TBC1D22B: variants seen among roughly 807,000 people sequenced by gnomAD.
The protein encoded by TBC1D22B is TBC1 domain family member 22B, also known as chromosome 6 open reading frame 197.
TBC1D22B carries 32 observed loss-of-function variants against 69.1 expected under a neutral mutation model. The ratio of observed to expected loss-of-function variants is 0.46; its 90% CI spans 0.35 to 0.62. The LOEUF (loss-of-function observed/expected upper bound fraction) is 0.62, where lower values mean the gene tolerates loss of function less well. Ranked by LOEUF, TBC1D22B falls within the 20% of genes least tolerant of loss-of-function variation. The pLI, the probability that TBC1D22B is intolerant of heterozygous loss-of-function variation, is 0.00. For synonymous variants in TBC1D22B, 206 were observed against 229.8 expected (o/e 0.90, Z 0.94); for missense variants, 462 against 630.9 (o/e 0.73, Z 2.87).
intron 12 of TBC1D22B, among the ~76,000 whole-genome samples, chr6:37,320,127 A>C (rs202057880): frequency 9.5e-4 from 145 of 152,346 alleles, no homozygotes; most frequent in Admixed American, 2.9e-3. Flanking sequence ...AACTGGTTAC[A>C]CTTGAAGAAC....
At position 37,267,423 on chromosome 6, in the gene TBC1D22B, TATA is replaced by T. The variant is rs1374290159; in HGVS notation, c.57-2167_57-2165del. ...CACATATATAATATATATATACACA[TATA>T]ATATATATACACACATATATAATAT... On this transcript the variant is annotated intron_variant, in intron 1 of 12. Coordinates refer to ENST00000373491, the MANE Select transcript of TBC1D22B (RefSeq NM_017772.4). Among the ~76,000 whole-genome samples, 629 of 136,450 alleles carry T rather than the reference TATA, an allele frequency of 4.6e-3. 10 individuals are homozygous for T. The highest frequency in any genetic ancestry group is 0.018 in the African/African-American group (570 of 32,318). 89.5% of individuals were successfully genotyped at this position (136,450 alleles called of 152,430 possible).
At chr6:37,314,629 G>A (rs1768023478) in intron 10 of TBC1D22B, among the ~76,000 whole-genome samples, 1 of 152,154 alleles carries the variant, frequency 6.6e-6, no homozygotes, top group African/African-American at 2.4e-5. Context: ...AGAGAAGTCG[G>A]TGGGATCTCT....
intron 6 of TBC1D22B, 98 bp downstream of exon 6, chr6:37,284,562 G>A: frequency 7.5e-6 from 10 of 1,338,980 alleles, no homozygotes; most frequent in Non-Finnish European, 9.9e-6. Flanking sequence ...AAGTCTTCAG[G>A]CTGTGGTATA....
intron 2 of TBC1D22B, 90 bp downstream of exon 2, chr6:37,269,740 A>G (rs1262610405): frequency 1.6e-6 from 2 of 1,262,502 alleles, no homozygotes; most frequent in African/African-American, 1.5e-5. Context: ...CCACCTTGAC[A>G]TTTTTTAGCG....
chr6:37,295,610 C>A (rs1441355359), intron 8 of TBC1D22B: 1 of 437,414 alleles, frequency 2.3e-6, no homozygotes, highest in Admixed American at 2.5e-5. Context: ...AACACAATTG[C>A]AGTTGAGTTT....
chr6:37,261,068 T>C (rs186204771), intron 1 of TBC1D22B, among the ~76,000 whole-genome samples: 290 of 152,306 alleles, frequency 1.9e-3, no homozygotes, highest in Middle Eastern at 3.4e-3. Context: ...CTCTCAGTTA[T>C]TCACATGAGC....
chr6:37,330,324 C>T (rs1297990840), intron 12 of TBC1D22B, among the ~76,000 whole-genome samples: 2 of 143,144 alleles, frequency 1.4e-5, no homozygotes, highest in African/African-American at 2.6e-5. Context: ...CTGCAACCTC[C>T]GCCTCCCAGG....
intron 12 of TBC1D22B, among the ~76,000 whole-genome samples, chr6:37,320,136 A>G (rs1291279966): frequency 6.6e-6 from 1 of 152,240 alleles, no homozygotes; most frequent in Non-Finnish European, 1.5e-5. Flanking sequence ...CACTTGAAGA[A>G]CAGGGAAAAA....
At chr6:37,302,439 A>G (rs371426265) in intron 8 of TBC1D22B, among the ~76,000 whole-genome samples, 10 of 152,330 alleles carry the variant, frequency 6.6e-5, no homozygotes, top group African/African-American at 2.2e-4. Flanking sequence ...CTGAGGTCCA[A>G]TATAATTGAC....
At chr6:37,319,822 A>C (rs771232395) in intron 12 of TBC1D22B, among the ~76,000 whole-genome samples, 1 of 152,228 alleles carries the variant, frequency 6.6e-6, no homozygotes, top group Admixed American at 6.5e-5. Flanking sequence ...AGACAGAATC[A>C]TGGCAGAGGT....
chr6:37,327,222 T>C lies in TBC1D22B; in HGVS notation c.1390-3822T>C, dbSNP rs558973318. 2.1e-4 allele frequency among the ~76,000 whole-genome samples: 20 copies of C among 95,018 alleles called. 5 individuals are homozygous for C. Among genetic ancestry groups the C allele is most frequent in the African/African-American group, 9.8e-4 (17 of 17,390 alleles). The allele number at this position is 95,018 out of a possible 152,430, so 62.3% of individuals were successfully genotyped here. A position where few individuals can be genotyped will look rare whatever the true frequency, so the allele number is the denominator to read the frequency against. On this transcript the variant is annotated intron_variant, in intron 12 of 12. Transcript: ENST00000373491. ...GGCCGGGCGCGGTGGCTCGCGCCTG[T>C]AATCCCAGCACTTTGGGAGGCCGAG...
chr6:37,312,059 A>C (rs1032967909), intron 8 of TBC1D22B, among the ~76,000 whole-genome samples: 4 of 152,240 alleles, frequency 2.6e-5, no homozygotes, highest in African/African-American at 9.6e-5. Flanking sequence ...CCTGTTACTC[A>C]GTGGGAGGTT....
intron 1 of TBC1D22B, among the ~76,000 whole-genome samples, chr6:37,261,164 G>GCCAC (rs1766086569): frequency 1.3e-5 from 2 of 152,132 alleles, no homozygotes; most frequent in South Asian, 4.1e-4. Flanking sequence ...TTTGGCAGGT[G>GCCAC]TGGTGGCCTG....
Position 37,312,985 on chromosome 6 carries a change from C to T in TBC1D22B, c.1050C>T (p.Asp350=). ...SQDMLRSIEA[D]SFWCMSKLLD... ...ACATGCTGCGAAGCATTGAGGCTGA[C>T]AGCTTTTGGTGCATGAGCAAGCTGC... The change falls in exon 9 of 13, where the codon GAC becomes GAT. Residue 350 remains aspartate (D), a synonymous_variant. Transcript: ENST00000373491. The T allele has an allele frequency of 6.2e-7, 1 of 1,614,178 alleles. No individual in the cohort carries two copies. The highest frequency in any genetic ancestry group is 8.5e-7 in the Non-Finnish European group (1 of 1,180,026).
chr6:37,300,178 A>G (rs1315444637), intron 8 of TBC1D22B, among the ~76,000 whole-genome samples: 1 of 152,002 alleles, frequency 6.6e-6, no homozygotes, highest in Admixed American at 6.6e-5. Context: ...TTTCGACACC[A>G]TTTATAAATA....
intron 3 of TBC1D22B, among the ~76,000 whole-genome samples, chr6:37,280,426 G>A (rs1207371868): frequency 6.6e-6 from 1 of 152,316 alleles, no homozygotes; most frequent in South Asian, 2.1e-4. Context: ...ATGTTCTGAG[G>A]GAACTTTTTC....
chr6:37,314,903 T>C (rs1237993330), intron 10 of TBC1D22B, among the ~76,000 whole-genome samples: 1 of 152,080 alleles, frequency 6.6e-6, no homozygotes, highest in Non-Finnish European at 1.5e-5. Flanking sequence ...CTGAACCCAT[T>C]TGTTTATTCA....
chr6:37,298,983 A>G (rs568210810), intron 8 of TBC1D22B, among the ~76,000 whole-genome samples: 26 of 152,352 alleles, frequency 1.7e-4, no homozygotes, highest in Non-Finnish European at 3.4e-4. Context: ...AAAGCATGCC[A>G]AATAGGTACT....
intron 1 of TBC1D22B, among the ~76,000 whole-genome samples, chr6:37,262,737 G>A (rs1394898024): frequency 6.6e-6 from 1 of 152,212 alleles, no homozygotes; most frequent in Non-Finnish European, 1.5e-5. Flanking sequence ...AATGTGGAGT[G>A]AGTGTGTGAA....
Sources: allele counts gnomAD v4.1 joint callset (sites outside exome capture counted in the v4.1 genomes callset), GRCh38; gene constraint gnomAD v4.1.1; transcripts MANE v1.5; gene names NCBI Gene and HGNC (gene_info 2026-07-23, HGNC 2026-07-21).